Variants in BRWD1 observed in about 807,000 individuals in gnomAD.
The protein encoded by BRWD1 is bromodomain and WD repeat-containing protein 1.
BRWD1 carries 82 observed loss-of-function variants against 251.2 expected under a neutral mutation model. That is an observed-to-expected ratio of 0.33 (90% CI 0.27 to 0.39). The LOEUF (loss-of-function observed/expected upper bound fraction) is 0.39. BRWD1 is among the 10% of genes least tolerant of loss of function. The probability of loss-of-function intolerance (pLI) is 1.00; values close to 1 mark genes in which losing one functional copy is unlikely to be tolerated. For synonymous variants in BRWD1, 918 were observed against 902.8 expected (o/e 1.02, Z -0.30); for missense variants, 2,233 against 2,711.6 (o/e 0.82, Z 3.92).
At position 39,186,890 on chromosome 21, in the gene BRWD1, A is replaced by G; in HGVS notation, c.*9369T>C. 2.8e-6 allele frequency: 4 copies of G among 1,418,298 alleles called. No homozygotes were observed. The highest frequency in any genetic ancestry group is 3.7e-6 in the Non-Finnish European group (4 of 1,073,354). 87.9% of individuals were successfully genotyped at this position (1,418,298 alleles called of 1,614,324 possible). ...TACAAGAGCTGACTGGGAGGAACCC[A>G]CTGGATTATGGCTTTTAGAAAATTC... is the stretch of plus-strand genomic sequence containing the variant. On this transcript the variant is annotated 3_prime_UTR_variant, in exon 41 of 41. Transcript: ENST00000342449.
At chr21:39,313,988 G>GC (rs776985921), upstream of BRWD1, 1 of 420,032 alleles carries the variant, frequency 2.4e-6, no homozygotes. Flanking sequence ...ATTCACCGCC[G>GC]CCCCCCGTGG....
At chr21:39,269,115 A>C (rs1026486690) in intron 15 of BRWD1, among the ~76,000 whole-genome samples, 1 of 152,166 alleles carries the variant, frequency 6.6e-6, no homozygotes, top group African/African-American at 2.4e-5. Flanking sequence ...GTTACTATAG[A>C]CCTGACTAGA....
chr21:39,264,785 A>C (rs1425457345), intron 16 of BRWD1, 100 bp from the exon 17 acceptor site: 8 of 1,521,792 alleles, frequency 5.3e-6, no homozygotes, highest in African/African-American at 1.4e-5. Flanking sequence ...CAAGGAAATC[A>C]AATCACTCAG....
At chr21:39,312,792 G>A (rs371284642) in intron 4 of BRWD1, 49 bp downstream of exon 4, 43 of 1,470,170 alleles carry the variant, frequency 2.9e-5, no homozygotes, top group Non-Finnish European at 4.0e-5. Context: ...GGGCGGGGGC[G>A]GGGGGCGGTG....
intron 21 of BRWD1, among the ~76,000 whole-genome samples, chr21:39,241,953 C>T (rs1238044899): frequency 6.6e-6 from 1 of 152,198 alleles, no homozygotes; most frequent in Non-Finnish European, 1.5e-5. Context: ...AGATAGCACA[C>T]TTAATGAATA....
Position 39,199,038 on chromosome 21 carries a change from G to C in BRWD1, c.5378C>G (p.Ser1793Cys), listed in dbSNP as rs375041693. 14 of 1,613,986 alleles carry C rather than the reference G, an allele frequency of 8.7e-6. No individual in the cohort carries two copies. The highest frequency in any genetic ancestry group is 2.7e-5 in the African/African-American group (2 of 74,896). Residue 1793 changes from serine to cysteine, a missense_variant, in exon 40 of 41, where the codon TCT becomes TGT. Around this residue, in one of 12 missense-constraint regions of BRWD1, gnomAD observed 928 missense variants for 970.0 expected, o/e 0.96. Coordinates refer to ENST00000342449, the MANE Select transcript of BRWD1 (RefSeq NM_033656.4). Reference protein sequence around the residue: ...KAESISEEADSEPGRSGGRKY... With the variant: ...KAESISEEADCEPGRSGGRKY... Reference sequence around the variant, plus strand: ...CCTACCACCAGATCTTCCTGGTTCAGAATCTGCTTCCTCTGAGATGCTCTC... The same window carrying C: ...CCTACCACCAGATCTTCCTGGTTCACAATCTGCTTCCTCTGAGATGCTCTC...
chr21:39,196,970 G>A lies in BRWD1; in HGVS notation c.6099C>T (p.Thr2033=). Residue 2033 remains threonine (T), a synonymous_variant, in exon 41 of 41, where the codon ACC becomes ACT. Coordinates refer to ENST00000342449, the MANE Select transcript of BRWD1 (RefSeq NM_033656.4). ...MLNSEHKHRH[T]NIHKIDAPSK... The stretch of plus-strand genomic sequence containing the variant: ...AAGGTGCATCTATTTTGTGAATATT[G>A]GTATGCCTGTGCTTGTGTTCTGAAT... 6.2e-7 allele frequency: 1 copy of A among 1,613,862 alleles called. No individual in the cohort carries two copies. Among genetic ancestry groups the A allele is most frequent in the Non-Finnish European group, 8.5e-7 (1 of 1,179,898 alleles).
chr21:39,228,703 T>A (rs1375146951), intron 26 of BRWD1, 121 bp from the exon 27 acceptor site: 3 of 585,204 alleles, frequency 5.1e-6, no homozygotes, highest in Non-Finnish European at 9.2e-6. Context: ...CAACCAGCTA[T>A]ATTTTAAAAG....
At chr21:39,313,182 C>G (rs2036571383) in intron 2 of BRWD1, 59 bp downstream of exon 2, 3 of 1,505,066 alleles carry the variant, frequency 2.0e-6, no homozygotes, top group East Asian at 5.4e-5. Context: ...ACCCGCGACC[C>G]CCGGCGGCGG....
chr21:39,280,547 T>C (rs942206661), intron 8 of BRWD1, among the ~76,000 whole-genome samples: 1 of 151,880 alleles, frequency 6.6e-6, no homozygotes, highest in African/African-American at 2.4e-5. Flanking sequence ...ATTAAAATGA[T>C]CAGACAAAAC....
In BRWD1 at chr21:39,196,820, A is replaced by T. The variant is rs745521165; in HGVS notation, c.6249T>A (p.Asn2083Lys). 1.2e-6 allele frequency: 2 copies of T among 1,613,502 alleles called. No individual in the cohort carries two copies. The highest frequency in any genetic ancestry group is 1.7e-6 in the Non-Finnish European group (2 of 1,179,934). The stretch of plus-strand genomic sequence containing the variant: ...CATAATTCAGTTCCACTTCAAAATT[A>T]TTCTCTGCAGTAGCTTTTTGTGCCA... ...STLAQKATAENNFEVELNYGL... is the reference protein window; with the variant it reads ...STLAQKATAEKNFEVELNYGL... The change falls in exon 41 of 41, where the codon AAT (asparagine) becomes AAA (lysine). Residue 2083 changes from asparagine (N) to lysine (K), a missense_variant. Physicochemically the swap from Asn to Lys is moderately conservative, Grantham distance 94. This residue lies in a region of BRWD1 where 928 missense variants were observed against 970.0 expected (regional missense o/e 0.96). Coordinates refer to ENST00000342449, the MANE Select transcript of BRWD1 (RefSeq NM_033656.4).
chr21:39,203,233 T>C (rs1331714036), intron 37 of BRWD1, among the ~76,000 whole-genome samples: 1 of 152,054 alleles, frequency 6.6e-6, no homozygotes, highest in Non-Finnish European at 1.5e-5. Context: ...GGTGGATAAA[T>C]TGAAGCCAGG....
At position 39,274,624 on chromosome 21, in the gene BRWD1, G is replaced by A. The variant is rs368786146; in HGVS notation, c.1146-152C>T. 2.0e-4 allele frequency: 133 copies of A among 669,496 alleles called. No homozygotes were observed. In the African/African-American group the frequency reaches 2.0e-3, roughly 10 times the overall value. The allele number at this position is 669,496 out of a possible 1,614,324, so 41.5% of individuals were successfully genotyped here. A position where few individuals can be genotyped will look rare whatever the true frequency, so the allele number is the denominator to read the frequency against. On this transcript the variant is annotated intron_variant, in intron 12 of 40. Transcript: ENST00000342449. ...ATTCAAAAGACAAGGTATTTAGAGC[G>A]TATCTGGATGGGAAAAAAAATTTGG... is the stretch of plus-strand genomic sequence containing the variant.
At chr21:39,257,707 C>A (rs2034605458) in intron 18 of BRWD1, among the ~76,000 whole-genome samples, 1 of 151,958 alleles carries the variant, frequency 6.6e-6, no homozygotes, top group African/African-American at 2.4e-5. Flanking sequence ...AAGAGAATAT[C>A]TCTGGTTCTT....
intron 10 of BRWD1, 61 bp downstream of exon 10, chr21:39,278,682 T>A (rs2035354857): frequency 7.8e-7 from 1 of 1,279,060 alleles, no homozygotes; most frequent in South Asian, 1.5e-5. Flanking sequence ...AGCAACCAAG[T>A]GGTCATTTAA....
rs368213843 is a variant in BRWD1, at chr21:39,236,707, C to A, written c.2654G>T (p.Arg885Leu). The change falls in exon 23 of 41, where the codon CGT becomes CTT. Residue 885 changes from arginine to leucine, a missense_variant. This residue lies in a region of BRWD1 where 214 missense variants were observed against 222.0 expected (regional missense o/e 0.96). Transcript: ENST00000342449. ...ACTACAAAATCGAGTAATTCGTCGA[C>A]GACATGATGTTCTTAAAGGAGGCTG... ...NLQPPLRTSC[R>L]RRITRFCSSS... 5 of 1,613,892 alleles carry A rather than the reference C, an allele frequency of 3.1e-6. No individual in the cohort carries two copies. The Admixed American group carries it at 8.3e-5, about 27-fold the overall frequency.
chr21:39,266,255 A>G (rs1157192496), intron 15 of BRWD1, among the ~76,000 whole-genome samples: 4 of 138,544 alleles, frequency 2.9e-5, no homozygotes, highest in African/African-American at 8.4e-5. Flanking sequence ...TAAGATGTGC[A>G]TATTAATTCA....
chr21:39,228,461 T>C, intron 27 of BRWD1, 39 bp downstream of exon 27: 1 of 1,385,228 alleles, frequency 7.2e-7, no homozygotes, highest in Non-Finnish European at 1.0e-6. Flanking sequence ...AACAGATTAA[T>C]TTTTAAGGGT....
Position 39,195,741 on chromosome 21 carries a change from A to AG in BRWD1, c.*517dup, listed in dbSNP as rs2031777920. ...GCATTCTACTCAAGTAGCCAGGGGA[A>AG]GAAAAAAAAAAAAGTGGTAGGTACC... On this transcript the variant is annotated 3_prime_UTR_variant, in exon 41 of 41. Transcript: ENST00000342449. The AG allele has an allele frequency of 1.1e-6, 1 of 943,890 alleles. No homozygotes were observed. The highest frequency in any genetic ancestry group is 2.2e-5 in the African/African-American group (1 of 45,526). 58.5% of individuals were successfully genotyped at this position (943,890 alleles called of 1,614,324 possible). A position where few individuals can be genotyped will look rare whatever the true frequency, so the allele number is the denominator to read the frequency against.
Sources: gnomAD v4.1 joint callset for allele counts (sites outside exome capture counted in the v4.1 genomes callset) on GRCh38, gnomAD v4.1.1 for gene constraint, gnomAD v4.1.1 regional missense constraint, MANE v1.5 for transcripts, NCBI Gene and HGNC (gene_info 2026-07-23, HGNC 2026-07-21) for gene names.